CNTN1: variants seen among roughly 807,000 people sequenced by gnomAD.
The protein encoded by CNTN1 is contactin 1, also known as contactin-1.
In CNTN1, 38 loss-of-function variants were observed where a neutral mutation model predicts 126.4. The observed-to-expected ratio is 0.30, with a 90% CI of 0.23 to 0.39. The LOEUF (loss-of-function observed/expected upper bound fraction) is 0.39. CNTN1 is among the 10% of genes least tolerant of loss of function. CNTN1 has a pLI of 1.00. For synonymous variants in CNTN1, 413 were observed against 422.6 expected, an observed-to-expected ratio of 0.98 and a Z score of 0.28; for missense variants, 1,009 against 1,248.4, an observed-to-expected ratio of 0.81 and a Z score of 2.89.
At chr12:41,063,523 T>C (rs931422723) in intron 23 of CNTN1, among the ~76,000 whole-genome samples, 4 of 152,198 alleles carry the variant, frequency 2.6e-5, no homozygotes, top group East Asian at 3.9e-4. Context: ...GTCTCTTTTT[T>C]GCCCCAGAAC....
chr12:40,849,242 T>C (rs550941044), intron 1 of CNTN1, among the ~76,000 whole-genome samples: 21 of 152,220 alleles, frequency 1.4e-4, no homozygotes, highest in African/African-American at 4.3e-4. Context: ...ATCTTTACAC[T>C]TATTTAAAAA....
At chr12:41,047,002 C>T (rs1054469909) in intron 23 of CNTN1, among the ~76,000 whole-genome samples, 2 of 151,904 alleles carry the variant, frequency 1.3e-5, no homozygotes, top group Non-Finnish European at 2.9e-5. Context: ...CAAACCCAAA[C>T]TCATATTAAA....
At chr12:40,771,919 G>A (rs1415689905) in intron 1 of CNTN1, among the ~76,000 whole-genome samples, 1 of 151,970 alleles carries the variant, frequency 6.6e-6, no homozygotes, top group Non-Finnish European at 1.5e-5. Flanking sequence ...TACACACATA[G>A]CAATTTGGAC....
chr12:40,739,091 A>G (rs1937822766), intron 1 of CNTN1, among the ~76,000 whole-genome samples: 1 of 152,078 alleles, frequency 6.6e-6, no homozygotes, highest in Non-Finnish European at 1.5e-5. Flanking sequence ...TGGCATCAGT[A>G]TGTTATAAAG....
In CNTN1 at chr12:40,980,933, T is replaced by C. The variant is rs1252522158; in HGVS notation, c.1829T>C (p.Leu610Pro). 4 of 1,613,862 alleles carry C rather than the reference T, an allele frequency of 2.5e-6. No homozygotes were observed. Among genetic ancestry groups the C allele is most frequent in the Non-Finnish European group, 3.4e-6 (4 of 1,179,902 alleles). The change falls in exon 16 of 24, where the codon CTG becomes CCG. Residue 610 changes from leucine (L) to proline (P), a missense_variant. Leu to Pro is a moderately conservative substitution (Grantham distance 98, BLOSUM62 -3). Transcript: ENST00000551295. ...VRGPPGPPGG[L>P]RIEDIRATSV... Reference sequence around the variant, plus strand: ...GGCCCTCCAGGCCCTCCAGGTGGTCTGAGAATAGAAGACATTAGAGCCACT... The same window carrying C: ...GGCCCTCCAGGCCCTCCAGGTGGTCCGAGAATAGAAGACATTAGAGCCACT...
At chr12:41,010,995 T>C (rs1365942192) in intron 17 of CNTN1, among the ~76,000 whole-genome samples, 1 of 152,220 alleles carries the variant, frequency 6.6e-6, no homozygotes, top group Non-Finnish European at 1.5e-5. Flanking sequence ...CAGAATTTTC[T>C]GCTGCCTGCA....
chr12:41,030,227 T>C (rs1023086110), intron 23 of CNTN1, among the ~76,000 whole-genome samples: 1 of 151,962 alleles, frequency 6.6e-6, no homozygotes, highest in Non-Finnish European at 1.5e-5. Flanking sequence ...GATTTTGATA[T>C]AAAGAAATAA....
chr12:40,992,556 C>T (rs1299754973), intron 16 of CNTN1, among the ~76,000 whole-genome samples: 1 of 151,660 alleles, frequency 6.6e-6, no homozygotes, highest in Non-Finnish European at 1.5e-5. Flanking sequence ...TATCTAGTAG[C>T]ATGAATTCTG....
intron 1 of CNTN1, among the ~76,000 whole-genome samples, chr12:40,817,521 A>G (rs935220159): frequency 2.5e-5 from 3 of 120,822 alleles, no homozygotes; most frequent in South Asian, 2.5e-4. Flanking sequence ...TTCCTTGGTA[A>G]ATTTTCCTCC....
chr12:40,962,213 ACATAGTAAGAACAGTGTTG>A (rs1180581872), intron 15 of CNTN1, among the ~76,000 whole-genome samples: 24 of 152,108 alleles, frequency 1.6e-4, no homozygotes, highest in Non-Finnish European at 2.9e-4. Context: ...GGAAATGAAT[ACATAGTAAGAACAGTGTTG>A]CTGCCCTAAT....
At chr12:40,898,129 A>G (rs1944478994) in intron 1 of CNTN1, among the ~76,000 whole-genome samples, 1 of 152,128 alleles carries the variant, frequency 6.6e-6, no homozygotes, top group African/African-American at 2.4e-5. Context: ...ACAGATTTTA[A>G]TGGAGTATCT....
At chr12:40,890,000 A>G (rs1001836267) in intron 1 of CNTN1, among the ~76,000 whole-genome samples, 3 of 152,202 alleles carry the variant, frequency 2.0e-5, no homozygotes, top group African/African-American at 7.2e-5. Flanking sequence ...ACTCCTATCC[A>G]TGCGATATTA....
chr12:40,887,907 C>T (rs146920877), intron 1 of CNTN1, among the ~76,000 whole-genome samples: 36,352 of 150,960 alleles, frequency 0.24, 4,778 homozygotes, highest in South Asian at 0.35. Flanking sequence ...AGCAAACTAT[C>T]GCAAGGACAA....
chr12:40,717,880 C>T (rs970062793), intron 1 of CNTN1, among the ~76,000 whole-genome samples: 8 of 152,086 alleles, frequency 5.3e-5, no homozygotes, highest in Admixed American at 1.3e-4. Context: ...TATTAATCAG[C>T]TTTAGTGAGC....
chr12:40,854,171 G>A (rs1942817655), intron 1 of CNTN1, among the ~76,000 whole-genome samples: 1 of 151,764 alleles, frequency 6.6e-6, no homozygotes, highest in African/African-American at 2.4e-5. Context: ...GAAGTTTACA[G>A]TCTAGTGGTA....
At position 40,797,461 on chromosome 12, in the gene CNTN1, G is replaced by C. The variant is rs192946394; in HGVS notation, c.-77+104869G>C. On this transcript the variant is annotated intron_variant, in intron 1 of 23. Coordinates refer to ENST00000551295, the MANE Select transcript of CNTN1 (RefSeq NM_001843.4). ...GAGACAGAGAGTATGTTAGGATAGAGTGGGAGAGTGCCCAGGGTGACTGGA... is the reference window on the plus strand; with the variant it reads ...GAGACAGAGAGTATGTTAGGATAGACTGGGAGAGTGCCCAGGGTGACTGGA... Among the ~76,000 whole-genome samples, 4 of 152,140 alleles carry C rather than the reference G, an allele frequency of 2.6e-5. No homozygotes were observed. The South Asian group carries it at 6.2e-4, about 24-fold the overall frequency.
At chr12:40,847,747 G>A (rs1942564181) in intron 1 of CNTN1, among the ~76,000 whole-genome samples, 1 of 152,126 alleles carries the variant, frequency 6.6e-6, no homozygotes, top group Non-Finnish European at 1.5e-5. Context: ...TGAAGGAGTG[G>A]GCTGTCCCTC....
intron 20 of CNTN1, 102 bp downstream of exon 20, chr12:41,020,542 C>G: frequency 1.4e-6 from 1 of 738,250 alleles, no homozygotes; most frequent in African/African-American, 1.8e-5. Context: ...ATTTATGTGG[C>G]AACTAATACT....
At chr12:40,884,205 TTTATG>T (rs1473407519) in intron 1 of CNTN1, among the ~76,000 whole-genome samples, 1 of 151,614 alleles carries the variant, frequency 6.6e-6, no homozygotes, top group Non-Finnish European at 1.5e-5. Context: ...AAAATCTTAT[TTTATG>T]TTCTTTTAAT....
Sources: allele counts gnomAD v4.1 joint callset (sites outside exome capture counted in the v4.1 genomes callset), GRCh38; gene constraint gnomAD v4.1.1; transcripts MANE v1.5; gene names NCBI Gene and HGNC (gene_info 2026-07-23, HGNC 2026-07-21).